Variants in TUT1 observed in about 807,000 individuals in gnomAD.
TUT1 encodes terminal uridylyl transferase 1, U6 snRNA-specific.
In TUT1, 26 loss-of-function variants were observed where a neutral mutation model predicts 48.8. The observed-to-expected ratio is 0.53, with a 90% CI of 0.39 to 0.74. The LOEUF (loss-of-function observed/expected upper bound fraction) is 0.74, where lower values mean the gene tolerates loss of function less well. TUT1 is among the 30% of genes least tolerant of loss of function. The pLI, the probability that TUT1 is intolerant of heterozygous loss-of-function variation, is 0.00. For missense variants in TUT1, 1,065 were observed against 1,114.8 expected, an observed-to-expected ratio of 0.96 and a Z score of 0.64; for synonymous variants, 470 against 460.8, an observed-to-expected ratio of 1.02 and a Z score of -0.26.
In TUT1 at chr11:62,589,264, C is replaced by G. The variant is rs377556767; in HGVS notation, c.83-43G>C. On this transcript the variant is annotated intron_variant, in intron 1 of 8. Transcript: ENST00000476907. ...AGACAAAAACATGCAAAGCACTCTT[C>G]GACGTGTCTGCCTTTGCTCTCTGCA... 7.3e-5 allele frequency: 116 copies of G among 1,590,402 alleles called. 1 individual carries two copies. Among genetic ancestry groups the G allele is most frequent in the Non-Finnish European group, 9.8e-5 (114 of 1,162,660 alleles).
chr11:62,581,977 C>T (rs1024375934), intron 2 of TUT1, among the ~76,000 whole-genome samples: 1 of 151,898 alleles, frequency 6.6e-6, no homozygotes, highest in Non-Finnish European at 1.5e-5. Context: ...GAGATCCCAT[C>T]TCTACAAACA....
intron 1 of TUT1, 72 bp from the exon 2 acceptor site, chr11:62,589,293 C>T: frequency 7.1e-7 from 1 of 1,416,494 alleles, no homozygotes; most frequent in Non-Finnish European, 9.7e-7. Context: ...CTCTGCATAC[C>T]TAAATCTTAC....
Position 62,575,637 on chromosome 11 carries a change from T to C in TUT1, c.2082A>G (p.Ile694Met). ...AGTCCTGCACCATCTCTCCAACCTC[T>C]ATAACCATCTCTTCTACCCTGTCTT... ...GGEDRVEEMV[I>M]EVGEMVQDWA... is the part of the protein sequence containing the mutation. Residue 694 changes from isoleucine (I) to methionine (M), a missense_variant, in exon 9 of 9, where the codon ATA becomes ATG. By Grantham distance (10) the Ile-to-Met change is conservative. Transcript: ENST00000476907. 6.2e-7 allele frequency: 1 copy of C among 1,614,176 alleles called. No homozygotes were observed. The highest frequency in any genetic ancestry group is 8.5e-7 in the Non-Finnish European group (1 of 1,180,020).
chr11:62,576,047 G>A lies in TUT1; in HGVS notation c.1672C>T (p.Arg558Trp), dbSNP rs138696433. 159 of 1,613,860 alleles carry A rather than the reference G, an allele frequency of 9.9e-5. No homozygotes were observed. The African/African-American group carries it at 1.8e-3, about 19-fold the overall frequency. The change falls in exon 9 of 9, where the codon CGG (arginine) becomes TGG (tryptophan). Residue 558 changes from arginine (R) to tryptophan (W), a missense_variant. Coordinates refer to ENST00000476907, the MANE Select transcript of TUT1 (RefSeq NM_022830.3). ...SHNVAANVTSRVAGRLQNCCR... is the reference protein window; with the variant it reads ...SHNVAANVTSWVAGRLQNCCR... ...CAGTTCTGTAGGCGCCCAGCCACCC[G>A]GCTGGTCACATTGGCTGCGACATTG...
chr11:62,587,904 A>C (rs187015155), intron 2 of TUT1, among the ~76,000 whole-genome samples: 1 of 152,356 alleles, frequency 6.6e-6, no homozygotes. Flanking sequence ...TTGTTTATCT[A>C]ACACTCTCCA....
At chr11:62,590,432 C>T (rs1440225423) in intron 1 of TUT1, among the ~76,000 whole-genome samples, 1 of 151,882 alleles carries the variant, frequency 6.6e-6, no homozygotes, top group Admixed American at 6.6e-5. Context: ...GTCAGGAGAT[C>T]GAGACCATCC....
chr11:62,580,777 T>C (rs1464810585), intron 4 of TUT1, among the ~76,000 whole-genome samples: 1 of 147,194 alleles, frequency 6.8e-6, no homozygotes, highest in African/African-American at 2.5e-5. Flanking sequence ...AATTTTTGTA[T>C]TTTTTTTTTA....
In TUT1 at chr11:62,581,408, C is replaced by G; in HGVS notation, c.567G>C (p.Glu189Asp). 6.2e-7 allele frequency: 1 copy of G among 1,607,384 alleles called. No homozygotes were observed. The highest frequency in any genetic ancestry group is 8.5e-7 in the Non-Finnish European group (1 of 1,177,406). Reference protein sequence around the residue: ...LRSLVVALMQEVFTEFFPGCV... With the variant: ...LRSLVVALMQDVFTEFFPGCV... ...TACCAGGGAAGAACTCTGTGAAGAC[C>G]TCCTGCATCAGGGCCACCACTAGGC... is the stretch of plus-strand genomic sequence containing the variant. The change falls in exon 3 of 9, where the codon GAG becomes GAC. Residue 189 changes from glutamate to aspartate, a missense_variant. Physicochemically the swap from Glu to Asp is conservative, Grantham distance 45. Coordinates refer to ENST00000476907, the MANE Select transcript of TUT1 (RefSeq NM_022830.3).
intron 2 of TUT1, 42 bp from the exon 3 acceptor site, chr11:62,581,743 G>T (rs1941830538): frequency 2.2e-6 from 3 of 1,333,796 alleles, no homozygotes; most frequent in Admixed American, 7.6e-5. Flanking sequence ...TTGGAACCAA[G>T]AATCTAAGCA....
chr11:62,576,325 T>A, intron 8 of TUT1, 81 bp from the exon 9 acceptor site: 1 of 1,428,716 alleles, frequency 7.0e-7, no homozygotes, highest in Non-Finnish European at 9.2e-7. Context: ...AGCCATTTCC[T>A]TAGCAGGACT....
chr11:62,589,341 A>C, intron 1 of TUT1, 120 bp from the exon 2 acceptor site: 1 of 879,154 alleles, frequency 1.1e-6, no homozygotes, highest in Non-Finnish European at 1.7e-6. Context: ...ACCTTTGAAT[A>C]AACAAAGTCC....
intron 1 of TUT1, among the ~76,000 whole-genome samples, chr11:62,589,432 G>A (rs1382979432): frequency 1.3e-5 from 2 of 151,268 alleles, no homozygotes; most frequent in Non-Finnish European, 2.9e-5. Flanking sequence ...TTTAAACAGA[G>A]TCTCACTGTC....
Position 62,576,116 on chromosome 11 carries a change from G to A in TUT1, c.1603C>T (p.Arg535Cys), listed in dbSNP as rs758242315. ...GLPSNLWEGL[R>C]LGPLNLQDPF... ...TCCTGGAGATTCAGGGGGCCAAGGC[G>A]CAGACCCTCCCAGAGATTAGAAGGC... Residue 535 changes from arginine (R) to cysteine (C), a missense_variant, in exon 9 of 9, where the codon CGC (arginine) becomes TGC (cysteine). Coordinates refer to ENST00000476907, the MANE Select transcript of TUT1 (RefSeq NM_022830.3). 2.1e-5 allele frequency: 34 copies of A among 1,613,872 alleles called. No individual in the cohort carries two copies. Among genetic ancestry groups the A allele is most frequent in the Non-Finnish European group, 2.6e-5 (31 of 1,180,032 alleles).
rs867121005 is a variant in TUT1 at position 62,578,115 on chromosome 11, A to G, written c.1160+446T>C. 1.7e-4 allele frequency among the ~76,000 whole-genome samples: 26 copies of G among 152,180 alleles called. No homozygotes were observed. In the South Asian group the frequency reaches 3.9e-3, roughly 23 times the overall value. ...AGTATTCTAAGGAACACACTTTACA[A>G]ACACTGAAATGGAAGCCAGGCAGGA... On this transcript the variant is annotated intron_variant, in intron 5 of 8. Transcript: ENST00000476907.
rs112303646 is a variant in TUT1 at position 62,581,988 on chromosome 11, AT to A, written c.274-288del. On this transcript the variant is annotated intron_variant, in intron 2 of 8. Coordinates refer to ENST00000476907, the MANE Select transcript of TUT1 (RefSeq NM_022830.3). ...TAGTGAGATCCCATCTCTACAAACAATTTTTTTTTTTTGAGATGGAGTCTTA... is the reference window on the plus strand; with the variant it reads ...TAGTGAGATCCCATCTCTACAAACAATTTTTTTTTTTGAGATGGAGTCTTA... Among the ~76,000 whole-genome samples, 253 of 145,906 alleles carry A rather than the reference AT, an allele frequency of 1.7e-3. 3 individuals carry two copies. Among genetic ancestry groups the A allele is most frequent in the African/African-American group, 5.4e-3 (215 of 39,988 alleles).
At position 62,575,818 on chromosome 11, in the gene TUT1, T is replaced by C. The variant is rs1590715058; in HGVS notation, c.1901A>G (p.His634Arg). The C allele has an allele frequency of 6.2e-7, 1 of 1,614,200 alleles. No homozygotes were observed. Among genetic ancestry groups the C allele is most frequent in the East Asian group, 2.2e-5 (1 of 44,866 alleles). The change falls in exon 9 of 9, where the codon CAT (histidine) becomes CGT (arginine). Residue 634 changes from histidine (H) to arginine (R), a missense_variant. By Grantham distance (29) the His-to-Arg change is conservative (BLOSUM62 0). Transcript: ENST00000476907. Reference protein sequence around the residue: ...VQVFREALGCHIEQATKRTRS... With the variant: ...VQVFREALGCRIEQATKRTRS... ...CGTTCTCTTGGTTGCCTGTTCTATATGGCACCCCAGTGCTTCCCTGAATAC... is the reference window on the plus strand; with the variant it reads ...CGTTCTCTTGGTTGCCTGTTCTATACGGCACCCCAGTGCTTCCCTGAATAC...
intron 5 of TUT1, among the ~76,000 whole-genome samples, chr11:62,578,316 G>A (rs993354043): frequency 1.2e-4 from 18 of 152,084 alleles, no homozygotes; most frequent in East Asian, 3.9e-4. Flanking sequence ...GGAGGCCGAG[G>A]CAGGTGATCA....
In TUT1 at chr11:62,581,518, G is replaced by T. The variant is rs766827068; in HGVS notation, c.457C>A (p.Leu153Ile). Residue 153 changes from leucine to isoleucine, a missense_variant, in exon 3 of 9, where the codon CTA becomes ATA. By Grantham distance (5) the Leu-to-Ile change is conservative. Transcript: ENST00000476907. ...APDSHQLAKALAEAADVGAQM... is the reference protein window; with the variant it reads ...APDSHQLAKAIAEAADVGAQM... ...GCCCCCACGTCTGCAGCCTCAGCTA[G>T]CGCTTTGGCCAGCTGGTGACTGTCG... 6.2e-7 allele frequency: 1 copy of T among 1,614,074 alleles called. No individual in the cohort carries two copies. Among genetic ancestry groups the T allele is most frequent in the Non-Finnish European group, 8.5e-7 (1 of 1,180,042 alleles).
At chr11:62,580,207 C>A (rs1264618632) in intron 4 of TUT1, among the ~76,000 whole-genome samples, 1 of 151,948 alleles carries the variant, frequency 6.6e-6, no homozygotes, top group East Asian at 1.9e-4. Context: ...TCCTGTAATC[C>A]CAGCACTTTG....
Sources: gnomAD v4.1 joint callset for allele counts (sites outside exome capture counted in the v4.1 genomes callset) on GRCh38, gnomAD v4.1.1 for gene constraint, MANE v1.5 for transcripts, NCBI Gene and HGNC (gene_info 2026-07-23, HGNC 2026-07-21) for gene names.